Variants in PCDHGB6 observed in about 807,000 individuals in gnomAD.
The protein encoded by PCDHGB6 is protocadherin gamma-B6.
In PCDHGB6, 51 loss-of-function variants were observed where a neutral mutation model predicts 59.1. The ratio of observed to expected loss-of-function variants is 0.86; its 90% confidence interval spans 0.69 to 1.09. The LOEUF is 1.09. PCDHGB6 is among the 50% of genes least tolerant of loss of function. The probability of loss-of-function intolerance (pLI) is 0.00; values close to 1 mark genes in which losing one functional copy is unlikely to be tolerated. For missense variants in PCDHGB6, 1,148 were observed against 1,205.1 expected, an observed-to-expected ratio of 0.95 and a Z score of 0.70; for synonymous variants, 466 against 495.1, an observed-to-expected ratio of 0.94 and a Z score of 0.78.
chr5:141,444,325 C>G (rs2098432231), intron 1 of PCDHGB6, among the ~76,000 whole-genome samples: 1 of 151,840 alleles, frequency 6.6e-6, no homozygotes, highest in Non-Finnish European at 1.5e-5. Flanking sequence ...GCATGTGCCA[C>G]CACGCCCAGC....
In PCDHGB6 at chr5:141,408,557, G is replaced by A; in HGVS notation, c.355G>A (p.Val119Ile). The change falls in exon 1 of 4, where the codon GTC (valine) becomes ATC (isoleucine). Residue 119 changes from valine to isoleucine, a missense_variant. Transcript: ENST00000520790. ...VVENPLNIFH[V>I]IVVIEDVNDH... ...GGAAAATCCTTTAAATATTTTTCATGTCATTGTGGTGATTGAGGATGTTAA... is the reference window on the plus strand; with the variant it reads ...GGAAAATCCTTTAAATATTTTTCATATCATTGTGGTGATTGAGGATGTTAA... 6 of 1,614,046 alleles carry A rather than the reference G, an allele frequency of 3.7e-6. No individual in the cohort carries two copies. The highest frequency in any genetic ancestry group is 5.1e-6 in the Non-Finnish European group (6 of 1,179,892).
chr5:141,432,873 T>A lies in PCDHGB6; in HGVS notation c.2418+22253T>A, dbSNP rs753576338. ...GTGGCCGCGGTCTCCTGCGTCTTCCTGGCCTTCGTCATCTTGCTGCTGGCG... is the reference window on the plus strand; with the variant it reads ...GTGGCCGCGGTCTCCTGCGTCTTCCAGGCCTTCGTCATCTTGCTGCTGGCG... On this transcript the variant is annotated intron_variant, in intron 1 of 3. Transcript: ENST00000520790. This position sits in a 1 kb window ranked among gnomAD's most constrained non-coding sequence, Gnocchi z 6.0. 1.4e-5 allele frequency: 22 copies of A among 1,614,204 alleles called. No individual in the cohort carries two copies. The highest frequency in any genetic ancestry group is 3.3e-4 in the Middle Eastern group (2 of 6,062).
Position 141,420,299 on chromosome 5 carries a change from T to A in PCDHGB6, c.2418+9679T>A, listed in dbSNP as rs377297222. On this transcript the variant is annotated intron_variant, in intron 1 of 3. Coordinates refer to ENST00000520790, the MANE Select transcript of PCDHGB6 (RefSeq NM_018926.3). Reference sequence around the variant, plus strand: ...GGTAAGTATTTAAAAATGTATTTAATCCTTTTTATATTACAATATGCCAAT... The same window carrying A: ...GGTAAGTATTTAAAAATGTATTTAAACCTTTTTATATTACAATATGCCAAT... 6.8e-6 allele frequency: 10 copies of A among 1,465,980 alleles called. No homozygotes were observed. The African/African-American group carries it at 1.4e-4, about 21-fold the overall frequency. 90.8% of individuals were successfully genotyped at this position (1,465,980 alleles called of 1,614,324 possible). A position where few individuals can be genotyped will look rare whatever the true frequency, so the allele number is the denominator to read the frequency against.
At chr5:141,421,354 G>T in intron 1 of PCDHGB6, 2 of 1,613,980 alleles carry the variant, frequency 1.2e-6, no homozygotes, top group Non-Finnish European at 1.7e-6. Context: ...GACCGAAAAG[G>T]GCTCCTTCGT....
chr5:141,475,820 C>T (rs890721743), intron 1 of PCDHGB6: 2 of 351,808 alleles, frequency 5.7e-6, no homozygotes, highest in African/African-American at 2.1e-5. Context: ...AAGTTCCTGG[C>T]GCTAGCGCGT....
chr5:141,431,995 G>A lies in PCDHGB6; in HGVS notation c.2418+21375G>A. 6.2e-7 allele frequency: 1 copy of A among 1,614,048 alleles called. No individual in the cohort carries two copies. Among genetic ancestry groups the A allele is most frequent in the East Asian group, 2.2e-5 (1 of 44,898 alleles). The stretch of plus-strand genomic sequence containing the variant: ...TAGTCACAGACATAGTCTTGGATAG[G>A]GAACAGGTTCCTAGCTACAACATCA... On this transcript the variant is annotated intron_variant, in intron 1 of 3. Coordinates refer to ENST00000520790, the MANE Select transcript of PCDHGB6 (RefSeq NM_018926.3). This position sits in a 1 kb window ranked among gnomAD's most constrained non-coding sequence, Gnocchi z 4.8.
At chr5:141,492,500 C>G (rs2099741252) in intron 1 of PCDHGB6, among the ~76,000 whole-genome samples, 1 of 152,322 alleles carries the variant, frequency 6.6e-6, no homozygotes, top group South Asian at 2.1e-4. Flanking sequence ...GCGAGGACTC[C>G]GGAGCCTCCT....
At position 141,490,208 on chromosome 5, in the gene PCDHGB6, G is replaced by A. The variant is rs745796427; in HGVS notation, c.2419-4599G>A. On this transcript the variant is annotated intron_variant, in intron 1 of 3. Coordinates refer to ENST00000520790, the MANE Select transcript of PCDHGB6 (RefSeq NM_018926.3). The surrounding 1 kb of genome is among the most constrained non-coding windows in gnomAD (Gnocchi z 5.4). ...TTCTATGAAATTCATGCAAGAGCCC[G>A]TGACCAGGGACAGCCTGCCATGGAG... 44 of 1,614,120 alleles carry A rather than the reference G, an allele frequency of 2.7e-5. No individual in the cohort carries two copies. The Admixed American group carries it at 4.5e-4, about 17-fold the overall frequency.
chr5:141,472,371 C>G (rs2099278632), intron 1 of PCDHGB6, among the ~76,000 whole-genome samples: 1 of 151,944 alleles, frequency 6.6e-6, no homozygotes, highest in Admixed American at 6.6e-5. Flanking sequence ...GAAACCCCGT[C>G]TCCACTAAAA....
intron 1 of PCDHGB6, chr5:141,421,043 C>T (rs1201118615): frequency 5.5e-6 from 3 of 548,238 alleles, no homozygotes; most frequent in African/African-American, 3.9e-5. Flanking sequence ...CCTCCCTCCC[C>T]CGCCTCTACC....
At chr5:141,411,955 A>G (rs1427605209) in intron 1 of PCDHGB6, 2 of 152,244 alleles carry the variant, frequency 1.3e-5, no homozygotes, top group Admixed American at 6.5e-5. Context: ...TTTGAAGAAA[A>G]AAGATAAAAT....
chr5:141,414,648 T>G (rs2095770464), intron 1 of PCDHGB6: 2 of 1,613,844 alleles, frequency 1.2e-6, no homozygotes, highest in Non-Finnish European at 1.7e-6. Context: ...ATGCCCAGAT[T>G]ATTTACTCCC....
Position 141,431,581 on chromosome 5 carries a change from T to A in PCDHGB6, c.2418+20961T>A, listed in dbSNP as rs749863807. Reference sequence around the variant, plus strand: ...CTACCGACCCTGACGAAGGAGTCAATGCGGAAGTGAGGTATTCCTTCCGGT... The same window carrying A: ...CTACCGACCCTGACGAAGGAGTCAAAGCGGAAGTGAGGTATTCCTTCCGGT... On this transcript the variant is annotated intron_variant, in intron 1 of 3. Coordinates refer to ENST00000520790, the MANE Select transcript of PCDHGB6 (RefSeq NM_018926.3). This position sits in a 1 kb window ranked among gnomAD's most constrained non-coding sequence, Gnocchi z 4.8. 3.1e-6 allele frequency: 5 copies of A among 1,614,160 alleles called. No individual in the cohort carries two copies. In the South Asian group the frequency reaches 5.5e-5, roughly 18 times the overall value.
rs749095017 is a variant in PCDHGB6, at chr5:141,489,455, G to A, written c.2419-5352G>A. 1 of 1,614,042 alleles carries A rather than the reference G, an allele frequency of 6.2e-7. No homozygotes were observed. ...CTGCAATTGGGCTCTGAGGAGAATGGGCGCTATTTTTCCCTGAGCTTGATG... is the reference window on the plus strand; with the variant it reads ...CTGCAATTGGGCTCTGAGGAGAATGAGCGCTATTTTTCCCTGAGCTTGATG... On this transcript the variant is annotated intron_variant, in intron 1 of 3. Coordinates refer to ENST00000520790, the MANE Select transcript of PCDHGB6 (RefSeq NM_018926.3). This position sits in a 1 kb window ranked among gnomAD's most constrained non-coding sequence, Gnocchi z 4.5.
In PCDHGB6 at chr5:141,489,412, G is replaced by C; in HGVS notation, c.2419-5395G>C. On this transcript the variant is annotated intron_variant, in intron 1 of 3. Coordinates refer to ENST00000520790, the MANE Select transcript of PCDHGB6 (RefSeq NM_018926.3). The surrounding 1 kb of genome is among the most constrained non-coding windows in gnomAD (Gnocchi z 4.5). ...TCAGGATCTGGGCTTAAAGATGACAGATCTGTTGAGCCGGCGGCTGCAATT... is the reference window on the plus strand; with the variant it reads ...TCAGGATCTGGGCTTAAAGATGACACATCTGTTGAGCCGGCGGCTGCAATT... The C allele has an allele frequency of 6.2e-7, 1 of 1,614,172 alleles. No individual in the cohort carries two copies. Among genetic ancestry groups the C allele is most frequent in the Non-Finnish European group, 8.5e-7 (1 of 1,180,040 alleles).
At chr5:141,413,198 C>T in intron 1 of PCDHGB6, 5 of 1,611,416 alleles carry the variant, frequency 3.1e-6, no homozygotes, top group Non-Finnish European at 2.5e-6. Flanking sequence ...AGGAATCGCT[C>T]AAAGGAATCA....
In PCDHGB6 at chr5:141,408,748, T is replaced by A. The variant is rs757813921; in HGVS notation, c.546T>A (p.Val182=). The A allele has an allele frequency of 2.5e-6, 4 of 1,608,714 alleles. No individual in the cohort carries two copies. Among genetic ancestry groups the A allele is most frequent in the Non-Finnish European group, 3.4e-6 (4 of 1,176,472 alleles). Residue 182 remains valine (V), a synonymous_variant, in exon 1 of 4, where the codon GTT becomes GTA. Coordinates refer to ENST00000520790, the MANE Select transcript of PCDHGB6 (RefSeq NM_018926.3). The stretch of plus-strand genomic sequence containing the variant: ...CTAATCCTTATTTTTCATTAATGGT[T>A]AGAGTTAATTCCGATGGTGGCAAAT... ...INSNPYFSLM[V]RVNSDGGKYP...
Position 141,491,834 on chromosome 5 carries a change from CG to C in PCDHGB6, c.2419-2970del. On this transcript the variant is annotated intron_variant, in intron 1 of 3. Transcript: ENST00000520790. This position sits in a 1 kb window ranked among gnomAD's most constrained non-coding sequence, Gnocchi z 6.9. ...CGCTGGCTGCGCTCCACCCGATTCT[CG>C]GGATCATTGGACCGTTTGCGCGAAA... 1 of 1,473,830 alleles carries C rather than the reference CG, an allele frequency of 6.8e-7. No homozygotes were observed. Among genetic ancestry groups the C allele is most frequent in the Middle Eastern group, 1.8e-4 (1 of 5,590 alleles). The allele number at this position is 1,473,830 out of a possible 1,614,324, so 91.3% of individuals were successfully genotyped here.
intron 1 of PCDHGB6, among the ~76,000 whole-genome samples, chr5:141,472,405 G>A (rs1207849470): frequency 6.6e-6 from 1 of 152,086 alleles, no homozygotes; most frequent in Non-Finnish European, 1.5e-5. Flanking sequence ...GCCAGGCGTG[G>A]TGGCACGCAC....
Sources: gnomAD v4.1 joint callset for allele counts (sites outside exome capture counted in the v4.1 genomes callset) on GRCh38, gnomAD v4.1.1 for gene constraint, Gnocchi (gnomAD v3.1) non-coding constraint, MANE v1.5 for transcripts, NCBI Gene and HGNC (gene_info 2026-07-23, HGNC 2026-07-21) for gene names.